Variants in CDK5RAP2 observed in about 807,000 individuals in gnomAD.
The protein encoded by CDK5RAP2 is CDK5 regulatory subunit-associated protein 2.
CDK5RAP2 carries 147 observed loss-of-function variants against 232.9 expected under a neutral mutation model. The observed-to-expected ratio is 0.63, with a 90% CI of 0.55 to 0.72. CDK5RAP2 has a LOEUF of 0.72. Ranked by LOEUF, CDK5RAP2 falls within the 30% of genes least tolerant of loss-of-function variation. CDK5RAP2 has a pLI of 0.00. For synonymous variants in CDK5RAP2, 833 were observed against 833.7 expected (o/e 1.00, Z 0.01); for missense variants, 2,195 against 2,231.5 (o/e 0.98, Z 0.33).
intron 5 of CDK5RAP2, among the ~76,000 whole-genome samples, chr9:120,539,752 A>G (rs1175631546): frequency 2.0e-5 from 3 of 152,238 alleles, no homozygotes; most frequent in Middle Eastern, 3.2e-3. Flanking sequence ...TGACTTCCTG[A>G]GAATTGATTT....
intron 18 of CDK5RAP2, among the ~76,000 whole-genome samples, chr9:120,464,573 AC>A (rs1306686507): frequency 2.0e-5 from 3 of 152,134 alleles, no homozygotes; most frequent in African/African-American, 7.2e-5. Context: ...AAGCATCATC[AC>A]CCAAATTTGT....
chr9:120,458,562 T>TA lies in CDK5RAP2; in HGVS notation c.2262dup (p.Lys755Ter). The TA allele has an allele frequency of 1.2e-6, 2 of 1,614,156 alleles. No homozygotes were observed. Among genetic ancestry groups the TA allele is most frequent in the Non-Finnish European group, 1.7e-6 (2 of 1,180,002 alleles). On this transcript the variant is annotated frameshift_variant, in exon 20 of 38. Transcript: ENST00000349780. LOFTEE classifies it high-confidence loss of function. The stretch of plus-strand genomic sequence containing the variant: ...TGGGCCCCATCACAATCTGAAATCT[T>TA]AGACTCCGTGTGCCTTAAGTATCCA...
intron 25 of CDK5RAP2, among the ~76,000 whole-genome samples, chr9:120,432,114 T>C (rs2035318807): frequency 6.6e-6 from 1 of 152,240 alleles, no homozygotes; most frequent in Admixed American, 6.5e-5. Flanking sequence ...AAGATTCCAG[T>C]ACAGTGTTCT....
chr9:120,450,433 T>G (rs1379617241), intron 21 of CDK5RAP2, among the ~76,000 whole-genome samples: 1 of 152,226 alleles, frequency 6.6e-6, no homozygotes, highest in Non-Finnish European at 1.5e-5. Flanking sequence ...TTTAAAATTG[T>G]TGTCCAACTC....
intron 5 of CDK5RAP2, among the ~76,000 whole-genome samples, chr9:120,543,546 T>C (rs979476908): frequency 7.9e-5 from 12 of 152,244 alleles, no homozygotes; most frequent in East Asian, 3.9e-4. Flanking sequence ...CCCAGCTACA[T>C]AGCCATATCT....
At chr9:120,428,538 T>C (rs994729215) in intron 25 of CDK5RAP2, among the ~76,000 whole-genome samples, 1 of 152,104 alleles carries the variant, frequency 6.6e-6, no homozygotes, top group Non-Finnish European at 1.5e-5. Flanking sequence ...ACACATACAC[T>C]ATCCCCAGAC....
At position 120,572,416 on chromosome 9, in the gene CDK5RAP2, A is replaced by G. The variant is rs79854668; in HGVS notation, c.60-375T>C. Among the ~76,000 whole-genome samples the G allele has an allele frequency of 1.6e-3, 243 of 152,344 alleles. 2 individuals carry two copies. Among genetic ancestry groups the G allele is most frequent in the African/African-American group, 5.2e-3 (218 of 41,576 alleles). ...CTGTAAAAATTAAATTCGTTCATGT[A>G]TATAAACACAAAGCACATAGTAAGT... is the stretch of plus-strand genomic sequence containing the variant. On this transcript the variant is annotated intron_variant, in intron 1 of 37. Coordinates refer to ENST00000349780, the MANE Select transcript of CDK5RAP2 (RefSeq NM_018249.6).
chr9:120,427,599 G>T (rs900700650), intron 25 of CDK5RAP2, among the ~76,000 whole-genome samples: 1 of 152,194 alleles, frequency 6.6e-6, no homozygotes, highest in East Asian at 1.9e-4. Context: ...CAAACCGGGG[G>T]TGGGAGGGGG....
At chr9:120,511,342 G>T (rs562435759) in intron 12 of CDK5RAP2, among the ~76,000 whole-genome samples, 3 of 152,192 alleles carry the variant, frequency 2.0e-5, no homozygotes, top group African/African-American at 4.8e-5. Context: ...TGTAAAACAG[G>T]GCTGCAGCAT....
intron 12 of CDK5RAP2, among the ~76,000 whole-genome samples, chr9:120,500,752 A>C (rs1209592668): frequency 1.3e-5 from 2 of 152,232 alleles, no homozygotes; most frequent in East Asian, 3.9e-4. Flanking sequence ...GGCAAGGTCT[A>C]GCTACCATAC....
chr9:120,389,644 G>A (rs1226090974), intron 37 of CDK5RAP2, 97 bp downstream of exon 37: 3 of 1,177,008 alleles, frequency 2.5e-6, no homozygotes, highest in East Asian at 4.7e-5. Flanking sequence ...ATGTCCCCTG[G>A]TTCCACCTGC....
At position 120,572,156 on chromosome 9, in the gene CDK5RAP2, T is replaced by A. The variant is rs528405667; in HGVS notation, c.60-115A>T. The A allele has an allele frequency of 6.0e-6, 5 of 835,076 alleles. No individual in the cohort carries two copies. In the African/African-American group the frequency reaches 8.3e-5, roughly 14 times the overall value. 51.7% of individuals were successfully genotyped at this position (835,076 alleles called of 1,614,324 possible). ...CATGGCCAGGAGGGATGCACACAGC[T>A]GGGCTACCTATGTGGCATGAAGCAC... On this transcript the variant is annotated intron_variant, in intron 1 of 37. Coordinates refer to ENST00000349780, the MANE Select transcript of CDK5RAP2 (RefSeq NM_018249.6).
At chr9:120,537,950 TAAGTG>T (rs749082463) in intron 6 of CDK5RAP2, among the ~76,000 whole-genome samples, 10 of 152,314 alleles carry the variant, frequency 6.6e-5, no homozygotes, top group Non-Finnish European at 1.0e-4. Context: ...ATAAAGCTAG[TAAGTG>T]ACAGAGCAGA....
intron 4 of CDK5RAP2, among the ~76,000 whole-genome samples, chr9:120,549,358 G>A (rs1710439441): frequency 6.6e-6 from 1 of 152,284 alleles, no homozygotes; most frequent in East Asian, 1.9e-4. Flanking sequence ...GGACACAAGG[G>A]TGGAAGAGTG....
intron 4 of CDK5RAP2, among the ~76,000 whole-genome samples, 154 bp downstream of exon 4, chr9:120,550,638 C>T (rs1417387590): frequency 6.6e-6 from 1 of 152,210 alleles, no homozygotes. Context: ...ATATTAAAGT[C>T]ATCCTAATAT....
chr9:120,426,084 G>A (rs2034880366), intron 25 of CDK5RAP2, among the ~76,000 whole-genome samples: 1 of 152,172 alleles, frequency 6.6e-6, no homozygotes, highest in South Asian at 2.1e-4. Flanking sequence ...AAGGGACTCT[G>A]GGGAGGGCAG....
At chr9:120,559,635 AT>A (rs2042391478) in intron 3 of CDK5RAP2, among the ~76,000 whole-genome samples, 1 of 151,756 alleles carries the variant, frequency 6.6e-6, no homozygotes, top group Non-Finnish European at 1.5e-5. Flanking sequence ...AGTAGGAATA[AT>A]TACCCAAAAT....
intron 3 of CDK5RAP2, among the ~76,000 whole-genome samples, chr9:120,560,187 C>A (rs1159447218): frequency 6.6e-6 from 1 of 152,198 alleles, no homozygotes; most frequent in Non-Finnish European, 1.5e-5. Context: ...CAGTGTGTGA[C>A]CTTGGGAAAA....
intron 36 of CDK5RAP2, among the ~76,000 whole-genome samples, chr9:120,394,307 C>T (rs1334884177): frequency 6.6e-6 from 1 of 152,166 alleles, no homozygotes; most frequent in Non-Finnish European, 1.5e-5. Flanking sequence ...CAGTCCCTGA[C>T]ACCAAAAGGC....
Sources: allele counts gnomAD v4.1 joint callset (sites outside exome capture counted in the v4.1 genomes callset), GRCh38; gene constraint gnomAD v4.1.1; transcripts MANE v1.5; gene names NCBI Gene and HGNC (gene_info 2026-07-23, HGNC 2026-07-21).